SHROOM2: variants seen among roughly 807,000 people sequenced by gnomAD.
The protein encoded by SHROOM2 is protein Shroom2.
In SHROOM2, 33 loss-of-function variants were observed where a neutral mutation model predicts 75.9. That is an observed-to-expected ratio of 0.43 (90% CI 0.33 to 0.58). The LOEUF (loss-of-function observed/expected upper bound fraction) is 0.58. SHROOM2 is among the 20% of genes least tolerant of loss of function. The pLI is 0.04. For synonymous variants in SHROOM2, 655 were observed against 663.6 expected, an observed-to-expected ratio of 0.99 and a Z score of 0.20; for missense variants, 1,434 against 1,461.2, an observed-to-expected ratio of 0.98 and a Z score of 0.30.
At chrX:9,850,765 A>G (rs772143948) in intron 1 of SHROOM2, among the ~76,000 whole-genome samples, 1 of 104,848 alleles carries the variant, frequency 9.5e-6, no homozygotes, top group Non-Finnish European at 1.9e-5. Context: ...ACTTGAGCCC[A>G]GGAGGTCAGT....
chrX:9,838,713 C>A (rs192996313), intron 1 of SHROOM2, among the ~76,000 whole-genome samples: 32 of 111,936 alleles, frequency 2.9e-4, no homozygotes, highest in Non-Finnish European at 5.1e-4. Flanking sequence ...CAGTGTGCCC[C>A]TTCGTGCCTG....
chrX:9,792,875 A>T (rs2083674795), intron 1 of SHROOM2, among the ~76,000 whole-genome samples: 1 of 109,928 alleles, frequency 9.1e-6, no homozygotes, highest in Non-Finnish European at 1.9e-5. Flanking sequence ...ACGCCCTGCT[A>T]ATTTTTGTAT....
intron 2 of SHROOM2, among the ~76,000 whole-genome samples, chrX:9,876,993 C>T (rs1002351157): frequency 2.7e-5 from 3 of 112,123 alleles, no homozygotes; most frequent in African/African-American, 3.2e-5. Context: ...AATAGTGGTT[C>T]ACGGATAAAC....
chrX:9,852,635 T>C (rs1165394132), intron 1 of SHROOM2, among the ~76,000 whole-genome samples: 1 of 112,500 alleles, frequency 8.9e-6, no homozygotes, highest in Admixed American at 9.4e-5. Flanking sequence ...TCGCCCACTT[T>C]CCCCCTGGGA....
chrX:9,797,577 C>A (rs1271480995), intron 1 of SHROOM2, among the ~76,000 whole-genome samples: 1 of 112,455 alleles, frequency 8.9e-6, no homozygotes. Context: ...TAGCATGAAG[C>A]CTATTCCCTG....
intron 1 of SHROOM2, among the ~76,000 whole-genome samples, chrX:9,822,598 C>G (rs1351332378): frequency 8.9e-6 from 1 of 112,717 alleles, no homozygotes; most frequent in Non-Finnish European, 1.9e-5. Flanking sequence ...CTGCTTGCCT[C>G]TCCCTCCCTC....
intron 1 of SHROOM2, among the ~76,000 whole-genome samples, chrX:9,828,438 G>A (rs1229184506): frequency 9.0e-6 from 1 of 111,579 alleles, no homozygotes; most frequent in Admixed American, 9.5e-5. Context: ...CCTCATATGT[G>A]TTCCAGGGAA....
At chrX:9,826,509 C>G (rs747358234) in intron 1 of SHROOM2, among the ~76,000 whole-genome samples, 5 of 111,357 alleles carry the variant, frequency 4.5e-5, no homozygotes, top group Non-Finnish European at 7.5e-5. Flanking sequence ...TGATGGCTCA[C>G]TCCTGTAATC....
chrX:9,883,534 C>G (rs1444809789), intron 2 of SHROOM2, among the ~76,000 whole-genome samples: 1 of 111,317 alleles, frequency 9.0e-6, no homozygotes, highest in Non-Finnish European at 1.9e-5. Flanking sequence ...TGCCAAGACC[C>G]TAGATGCTAC....
intron 1 of SHROOM2, among the ~76,000 whole-genome samples, chrX:9,856,024 CTTTTTTTT>C (rs35234850): frequency 1.2e-5 from 1 of 84,290 alleles, no homozygotes; most frequent in African/African-American, 4.4e-5. Flanking sequence ...AGAATGTTTC[CTTTTTTTT>C]TTTTTTTTTT....
At chrX:9,805,244 A>G (rs1480860267) in intron 1 of SHROOM2, among the ~76,000 whole-genome samples, 4 of 111,338 alleles carry the variant, frequency 3.6e-5, no homozygotes, top group Admixed American at 2.9e-4. Context: ...GACTGTCTCA[A>G]AAAATAAAAA....
chrX:9,920,289 C>T (rs1371106844), intron 5 of SHROOM2, among the ~76,000 whole-genome samples: 3 of 112,300 alleles, frequency 2.7e-5, no homozygotes, highest in Non-Finnish European at 3.8e-5. Flanking sequence ...ACTGATACCC[C>T]GATAGAGTTG....
intron 5 of SHROOM2, among the ~76,000 whole-genome samples, chrX:9,930,700 AT>A (rs2084640515): frequency 9.0e-6 from 1 of 110,767 alleles, no homozygotes. Flanking sequence ...AGACAAATGT[AT>A]TGTTCTCTAA....
At chrX:9,930,252 C>CA (rs752378104) in intron 5 of SHROOM2, among the ~76,000 whole-genome samples, 1 of 111,626 alleles carries the variant, frequency 9.0e-6, no homozygotes, top group East Asian at 2.8e-4. Context: ...CGCAGTGACT[C>CA]ACACCTGTAA....
chrX:9,904,199 C>T (rs912822197), intron 5 of SHROOM2, among the ~76,000 whole-genome samples: 1 of 111,148 alleles, frequency 9.0e-6, no homozygotes, highest in African/African-American at 3.3e-5. Context: ...CTAGATGGGG[C>T]AGGTAAGCAG....
rs773010263 is a variant in SHROOM2 at position 9,935,457 on chromosome X, G to A, written c.3588-1677G>A. Among the ~76,000 whole-genome samples, 5 of 111,176 alleles carry A rather than the reference G, an allele frequency of 4.5e-5. No individual in the cohort carries two copies. The East Asian group carries it at 1.4e-3, about 31-fold the overall frequency. On this transcript the variant is annotated intron_variant, in intron 6 of 9. Transcript: ENST00000380913. Reference sequence around the variant, plus strand: ...AGCCTCCCACAGTGCTGGGATTCCAGGTGTGAGCCACTGTGCCTAGCCAGG... The same window carrying A: ...AGCCTCCCACAGTGCTGGGATTCCAAGTGTGAGCCACTGTGCCTAGCCAGG...
intron 5 of SHROOM2, among the ~76,000 whole-genome samples, chrX:9,898,887 A>G (rs1335276650): frequency 9.1e-6 from 1 of 110,420 alleles, no homozygotes. Context: ...GTTTTGTGCC[A>G]TAATTCCAGA....
intron 1 of SHROOM2, among the ~76,000 whole-genome samples, chrX:9,815,333 C>T (rs2083812929): frequency 9.1e-6 from 1 of 109,904 alleles, no homozygotes; most frequent in Non-Finnish European, 1.9e-5. Flanking sequence ...CACAAAAGAA[C>T]TTCATCCTTA....
intron 1 of SHROOM2, among the ~76,000 whole-genome samples, chrX:9,870,081 C>T (rs1416139736): frequency 3.6e-5 from 4 of 111,349 alleles, no homozygotes; most frequent in Non-Finnish European, 7.5e-5. Flanking sequence ...TAAAAATTAG[C>T]TGGGTGTGGT....
Sources: allele counts gnomAD v4.1 joint callset (sites outside exome capture counted in the v4.1 genomes callset), GRCh38; gene constraint gnomAD v4.1.1; transcripts MANE v1.5; gene names NCBI Gene and HGNC (gene_info 2026-07-23, HGNC 2026-07-21).